The following NOP58 variants were observed in gnomAD, a reference collection of about 807,000 sequenced individuals.
The protein encoded by NOP58 is NOP58 ribonucleoprotein.
A neutral mutation model predicts 71.2 loss-of-function variants in NOP58; 44 were observed. The ratio of observed to expected loss-of-function variants is 0.62; its 90% CI spans 0.49 to 0.79. The LOEUF (loss-of-function observed/expected upper bound fraction) is 0.79, where lower values mean the gene tolerates loss of function less well. NOP58 is among the 30% of genes least tolerant of loss of function. The pLI is 0.00. For synonymous variants in NOP58, 228 were observed against 200.3 expected (o/e 1.14, Z -1.17); for missense variants, 538 against 620.2 (o/e 0.87, Z 1.41).
Position 202,295,843 on chromosome 2 carries a change from T to G in NOP58, c.1071+6T>G. ...GTCCCAAACACAAAGGAAAGGTGTGTTATAGGGTTTTGCTTTGTTTTTGAG... is the reference window on the plus strand; with the variant it reads ...GTCCCAAACACAAAGGAAAGGTGTGGTATAGGGTTTTGCTTTGTTTTTGAG... On this transcript the variant is annotated splice_donor_region_variant and intron_variant, in intron 10 of 14. Coordinates refer to ENST00000264279, the MANE Select transcript of NOP58 (RefSeq NM_015934.5). The G allele has an allele frequency of 6.5e-7, 1 of 1,540,726 alleles. No individual in the cohort carries two copies. Among genetic ancestry groups the G allele is most frequent in the Non-Finnish European group, 8.7e-7 (1 of 1,145,164 alleles).
At position 202,303,531 on chromosome 2, in the gene NOP58, A is replaced by T. The variant is rs964145108; in HGVS notation, c.*95A>T. ...GATGCTCTCTAACGTAATCAAGGGA[A>T]GGTTCAGTAAGACAAAGTGATTTAT... On this transcript the variant is annotated 3_prime_UTR_variant, in exon 15 of 15. Coordinates refer to ENST00000264279, the MANE Select transcript of NOP58 (RefSeq NM_015934.5). 15 of 1,450,892 alleles carry T rather than the reference A, an allele frequency of 1.0e-5. No individual in the cohort carries two copies. The Admixed American group carries it at 2.8e-4, about 27-fold the overall frequency. 89.9% of individuals were successfully genotyped at this position (1,450,892 alleles called of 1,614,324 possible).
At chr2:202,282,997 A>T (rs773889022) in intron 4 of NOP58, among the ~76,000 whole-genome samples, 47 of 152,126 alleles carry the variant, frequency 3.1e-4, no homozygotes, top group Non-Finnish European at 5.6e-4. Flanking sequence ...GAGTATCACG[A>T]GGTCAGCAGA....
At chr2:202,289,397 C>G (rs771205558) in intron 6 of NOP58, among the ~76,000 whole-genome samples, 1 of 152,196 alleles carries the variant, frequency 6.6e-6, no homozygotes, top group Non-Finnish European at 1.5e-5. Flanking sequence ...AACTCCACAC[C>G]TGACCACACG....
intron 4 of NOP58, among the ~76,000 whole-genome samples, chr2:202,283,021 G>C (rs1018405573): frequency 1.3e-5 from 2 of 152,112 alleles, no homozygotes; most frequent in African/African-American, 4.8e-5. Context: ...AGACCATCCT[G>C]GCTAACACAG....
At chr2:202,273,653 T>C (rs1688544034) in intron 1 of NOP58, among the ~76,000 whole-genome samples, 1 of 152,150 alleles carries the variant, frequency 6.6e-6, no homozygotes, top group Non-Finnish European at 1.5e-5. Flanking sequence ...TTCAAAACAA[T>C]ACAAGGCGGC....
chr2:202,298,372 C>A (rs776035872), intron 12 of NOP58, among the ~76,000 whole-genome samples: 2 of 152,070 alleles, frequency 1.3e-5, no homozygotes, highest in Non-Finnish European at 2.9e-5. Flanking sequence ...TTCACTCAGC[C>A]GGGCACAGTG....
intron 1 of NOP58, among the ~76,000 whole-genome samples, chr2:202,267,796 C>T (rs1356361407): frequency 6.6e-6 from 1 of 152,162 alleles, no homozygotes; most frequent in Admixed American, 6.6e-5. Context: ...AATACTCAAC[C>T]GTGTCTCGAT....
At chr2:202,292,261 G>T (rs143719010) in intron 8 of NOP58, among the ~76,000 whole-genome samples, 15,793 of 151,746 alleles carry the variant, frequency 0.1, 995 homozygotes, top group South Asian at 0.24. Flanking sequence ...CAAAGTGCTG[G>T]AATTACAGGT....
In NOP58 at chr2:202,291,179, T is replaced by C. The variant is rs910171236; in HGVS notation, c.689T>C (p.Val230Ala). 4 of 1,613,136 alleles carry C rather than the reference T, an allele frequency of 2.5e-6. No homozygotes were observed. The African/African-American group carries it at 4.0e-5, about 16-fold the overall frequency. ...CTTTCTGAGTTGCTGCCAGAAGAAG[T>C]TGAAGCAGAAGTGAAAGCAGCTGCA... ...AKLSELLPEEVEAEVKAAAEI... is the reference protein window; with the variant it reads ...AKLSELLPEEAEAEVKAAAEI... Residue 230 changes from valine to alanine, a missense_variant, in exon 8 of 15, where the codon GTT (valine) becomes GCT (alanine). Physicochemically the swap from Val to Ala is moderately conservative, Grantham distance 64. Transcript: ENST00000264279.
At chr2:202,291,506 CAATT>C (rs1688894287) in intron 8 of NOP58, 1 of 311,756 alleles carries the variant, frequency 3.2e-6, no homozygotes, top group Non-Finnish European at 5.9e-6. Context: ...AACCAAAAAT[CAATT>C]AAGATGGCAG....
At position 202,291,410 on chromosome 2, in the gene NOP58, C is replaced by G. The variant is rs183313920; in HGVS notation, c.780+140C>G. On this transcript the variant is annotated intron_variant, in intron 8 of 14. Transcript: ENST00000264279. ...TGAGGGTGTTCAGTCACTACCTCAT[C>G]TGATGCCATCATGATTTGTATACTT... 1.7e-4 allele frequency: 93 copies of G among 542,186 alleles called. No homozygotes were observed. The East Asian group carries it at 2.8e-3, about 16-fold the overall frequency. 33.6% of individuals were successfully genotyped at this position (542,186 alleles called of 1,614,324 possible).
At chr2:202,279,137 C>G (rs947076826) in intron 3 of NOP58, among the ~76,000 whole-genome samples, 2 of 152,156 alleles carry the variant, frequency 1.3e-5, no homozygotes, top group African/African-American at 4.8e-5. Flanking sequence ...TATTCAAACT[C>G]TAGGGGGTGT....
chr2:202,284,052 C>A (rs916359445), intron 4 of NOP58, among the ~76,000 whole-genome samples: 1 of 151,824 alleles, frequency 6.6e-6, no homozygotes, highest in East Asian at 1.9e-4. Context: ...GAAGATGAGG[C>A]GGGCGGATCA....
chr2:202,273,097 C>T (rs981334099), intron 1 of NOP58, among the ~76,000 whole-genome samples: 6 of 152,220 alleles, frequency 3.9e-5, no homozygotes, highest in Admixed American at 6.5e-5. Flanking sequence ...TGCACTCCAG[C>T]CTGGGCGACA....
chr2:202,279,709 A>G (rs536962292), intron 3 of NOP58, among the ~76,000 whole-genome samples: 1 of 152,164 alleles, frequency 6.6e-6, no homozygotes, highest in Non-Finnish European at 1.5e-5. Context: ...CAGGAGAAAC[A>G]CTTGAACCTG....
chr2:202,280,847 C>A (rs1688690774), intron 3 of NOP58, among the ~76,000 whole-genome samples: 1 of 149,850 alleles, frequency 6.7e-6, no homozygotes, highest in South Asian at 2.1e-4. Flanking sequence ...GTCTCTGCCT[C>A]CTGAGTAGCT....
At chr2:202,301,235 A>G (rs1677414850) in intron 13 of NOP58, among the ~76,000 whole-genome samples, 1 of 151,654 alleles carries the variant, frequency 6.6e-6, no homozygotes, top group Admixed American at 6.6e-5. Flanking sequence ...CCCATGCTGG[A>G]GTGCAGTGGC....
At chr2:202,285,715 T>C (rs73990223) in intron 5 of NOP58, among the ~76,000 whole-genome samples, 5,088 of 152,252 alleles carry the variant, frequency 0.033, 295 homozygotes, top group African/African-American at 0.12. Context: ...ATTATTGCTA[T>C]GTTGTGATAC....
intron 10 of NOP58, among the ~76,000 whole-genome samples, chr2:202,296,935 G>GT (rs1689004584): frequency 6.6e-6 from 1 of 151,752 alleles, no homozygotes; most frequent in African/African-American, 2.4e-5. Flanking sequence ...GGGTTTCACC[G>GT]TGTTAGCCAG....
Sources: allele counts gnomAD v4.1 joint callset (sites outside exome capture counted in the v4.1 genomes callset), GRCh38; gene constraint gnomAD v4.1.1; transcripts MANE v1.5; gene names NCBI Gene and HGNC (gene_info 2026-07-23, HGNC 2026-07-21).